TRHDE: variants seen among roughly 807,000 people sequenced by gnomAD.
TRHDE encodes the protein thyrotropin-releasing hormone-degrading ectoenzyme.
TRHDE carries 72 observed loss-of-function variants against 125.7 expected under a neutral mutation model. The ratio of observed to expected loss-of-function variants is 0.57; its 90% confidence interval spans 0.47 to 0.70. The LOEUF (loss-of-function observed/expected upper bound fraction) is 0.70. Ranked by LOEUF, TRHDE falls within the 30% of genes least tolerant of loss-of-function variation. TRHDE has a pLI of 0.00. For synonymous variants in TRHDE, 509 were observed against 509.1 expected, an observed-to-expected ratio of 1.00 and a Z score of 0.00; for missense variants, 1,110 against 1,327.1, an observed-to-expected ratio of 0.84 and a Z score of 2.54.
intron 12 of TRHDE, among the ~76,000 whole-genome samples, chr12:72,615,200 A>C (rs1342318067): frequency 6.6e-6 from 1 of 152,174 alleles, no homozygotes; most frequent in Non-Finnish European, 1.5e-5. Flanking sequence ...TATAACCTAC[A>C]ACCTCTTCCT....
chr12:72,156,177 C>T (rs1036353140), intron 2 of TRHDE, among the ~76,000 whole-genome samples: 8 of 152,164 alleles, frequency 5.3e-5, no homozygotes, highest in Non-Finnish European at 1.2e-4. Context: ...GCTCCATGGG[C>T]GTAGGACCCT....
chr12:72,305,893 C>T (rs1317675571), intron 2 of TRHDE, among the ~76,000 whole-genome samples: 1 of 152,180 alleles, frequency 6.6e-6, no homozygotes, highest in Non-Finnish European at 1.5e-5. Context: ...AGAAGACAAT[C>T]CTCGATTTCT....
intron 2 of TRHDE, among the ~76,000 whole-genome samples, chr12:72,213,498 C>T (rs975207370): frequency 8.5e-5 from 13 of 152,082 alleles, no homozygotes; most frequent in South Asian, 4.2e-4. Context: ...GACAGGGAAC[C>T]GAGCTTCAAA....
intron 2 of TRHDE, among the ~76,000 whole-genome samples, chr12:72,335,120 T>C (rs1344534603): frequency 6.6e-6 from 1 of 152,202 alleles, no homozygotes; most frequent in Admixed American, 6.5e-5. Context: ...GACTATGCCC[T>C]GCTTCTGACA....
rs747925554 is a variant in TRHDE at position 72,653,030 on chromosome 12, C to T, written c.2858C>T (p.Ser953Leu). The T allele has an allele frequency of 2.5e-6, 4 of 1,603,906 alleles. No homozygotes were observed. Among genetic ancestry groups the T allele is most frequent in the South Asian group, 2.2e-5 (2 of 89,494 alleles). Residue 953 changes from serine (S) to leucine (L), a missense_variant, in exon 17 of 19, where the codon TCA becomes TTA. Physicochemically the swap from Ser to Leu is moderately radical, Grantham distance 145. Transcript: ENST00000261180. ...TATCTTTGAAGGCTTCTAAATCTGTCACTGAATTCTGAGGTGGTGCTGGAT... is the reference window on the plus strand; with the variant it reads ...TATCTTTGAAGGCTTCTAAATCTGTTACTGAATTCTGAGGTGGTGCTGGAT... The part of the protein sequence containing the change: ...RNLLNRLLNL[S>L]LNSEVVLDQD...
At chr12:72,662,231 A>G (rs1439536296) in intron 18 of TRHDE, among the ~76,000 whole-genome samples, 3 of 152,096 alleles carry the variant, frequency 2.0e-5, no homozygotes, top group African/African-American at 7.2e-5. Flanking sequence ...ACATTTGTCT[A>G]TTAGCATCAC....
At chr12:72,227,932 C>T (rs1878167408) in intron 2 of TRHDE, among the ~76,000 whole-genome samples, 1 of 152,208 alleles carries the variant, frequency 6.6e-6, no homozygotes, top group African/African-American at 2.4e-5. Context: ...CAAGATGTGG[C>T]CTCCCATGGC....
chr12:72,272,843 CAGTGGG>C lies in TRHDE; in HGVS notation c.205_210del (p.Gly69_Val70del). 1 of 1,584,104 alleles carries C rather than the reference CAGTGGG, an allele frequency of 6.3e-7. No homozygotes were observed. Among genetic ancestry groups the C allele is most frequent in the Non-Finnish European group, 8.5e-7 (1 of 1,172,850 alleles). Reference sequence around the variant, plus strand: ...GGGCTCTCCGACCCGTGGGCAGACTCAGTGGGAGTGCGACCCCGCACCACGGAGCGC... The same window carrying C: ...GGGCTCTCCGACCCGTGGGCAGACTCAGTGCGACCCCGCACCACGGAGCGC... On this transcript the variant is annotated inframe_deletion, in exon 1 of 19. Coordinates refer to ENST00000261180, the MANE Select transcript of TRHDE (RefSeq NM_013381.3). The surrounding 1 kb of genome is among the most constrained non-coding windows in gnomAD (Gnocchi z 6.7).
intron 3 of TRHDE, among the ~76,000 whole-genome samples, chr12:72,440,481 G>A (rs73344432): frequency 0.014 from 2,182 of 151,308 alleles, 48 homozygotes; most frequent in African/African-American, 0.048. Context: ...ACTGTTTTTC[G>A]TTTTGTAGAG....
intron 2 of TRHDE, among the ~76,000 whole-genome samples, chr12:72,375,687 A>C (rs1169381923): frequency 6.6e-6 from 1 of 152,188 alleles, no homozygotes; most frequent in Non-Finnish European, 1.5e-5. Context: ...TTTACCATTC[A>C]TATGGCAGGT....
chr12:72,238,339 T>TA lies in TRHDE; in HGVS notation n.279+132587_279+132588insA, dbSNP rs1483769640. Among the ~76,000 whole-genome samples, 22 of 21,162 alleles carry TA rather than the reference T, an allele frequency of 1.0e-3. 2 individuals are homozygous for TA. The highest frequency in any genetic ancestry group is 1.6e-3 in the Non-Finnish European group (15 of 9,136). 13.9% of individuals were successfully genotyped at this position (21,162 alleles called of 152,430 possible). ...ATATATATACATATATATATACACATTATATATATATATATATATATATAC... is the reference window on the plus strand; with the variant it reads ...ATATATATACATATATATATACACATATATATATATATATATATATATATAC... On this transcript the variant is annotated intron_variant and non_coding_transcript_variant, in intron 2 of 4. Coordinates refer to the TRHDE transcript ENST00000548156.
At chr12:72,553,548 C>CA (rs1226261250) in intron 7 of TRHDE, among the ~76,000 whole-genome samples, 1 of 151,956 alleles carries the variant, frequency 6.6e-6, no homozygotes, top group Non-Finnish European at 1.5e-5. Flanking sequence ...CATGAACTGC[C>CA]CATCAGGGGT....
At position 72,602,203 on chromosome 12, in the gene TRHDE, C is replaced by A. The variant is rs554599733; in HGVS notation, c.2322-16688C>A. On this transcript the variant is annotated intron_variant, in intron 12 of 18. Coordinates refer to ENST00000261180, the MANE Select transcript of TRHDE (RefSeq NM_013381.3). The stretch of plus-strand genomic sequence containing the variant: ...TCCCAACATCAATGTCTAATAACAA[C>A]CCCAGCAAGGAAGGAAAAAGAAAAC... Among the ~76,000 whole-genome samples, 25 of 152,050 alleles carry A rather than the reference C, an allele frequency of 1.6e-4. No individual in the cohort carries two copies. The South Asian group carries it at 4.6e-3, about 28-fold the overall frequency.
intron 15 of TRHDE, among the ~76,000 whole-genome samples, chr12:72,651,529 T>C (rs1395065105): frequency 6.6e-6 from 1 of 151,852 alleles, no homozygotes; most frequent in Non-Finnish European, 1.5e-5. Flanking sequence ...ATTTTGAAAC[T>C]TTAAAAAAAA....
In TRHDE at chr12:72,272,549, C is replaced by T. The variant is rs1161613839; in HGVS notation, c.-95C>T. 6 of 581,158 alleles carry T rather than the reference C, an allele frequency of 1.0e-5. No individual in the cohort carries two copies. Among genetic ancestry groups the T allele is most frequent in the African/African-American group, 1.9e-5 (1 of 52,538 alleles). The allele number at this position is 581,158 out of a possible 1,614,324, so 36.0% of individuals were successfully genotyped here. A position where few individuals can be genotyped will look rare whatever the true frequency, so the allele number is the denominator to read the frequency against. On this transcript the variant is annotated 5_prime_UTR_variant, in exon 1 of 19. Transcript: ENST00000261180. This position sits in a 1 kb window ranked among gnomAD's most constrained non-coding sequence, Gnocchi z 6.7. Reference sequence around the variant, plus strand: ...CATCCCCAGTCGCGCGCCCTCGGCCCGCGTGAGCTCTCCGATGCCTGCTCT... The same window carrying T: ...CATCCCCAGTCGCGCGCCCTCGGCCTGCGTGAGCTCTCCGATGCCTGCTCT...
chr12:72,126,799 T>A (rs947566871), intron 2 of TRHDE, among the ~76,000 whole-genome samples: 4 of 152,114 alleles, frequency 2.6e-5, no homozygotes, highest in African/African-American at 9.6e-5. Context: ...GGAAAGAATT[T>A]ATGAGCAAGT....
chr12:72,340,218 T>C (rs756632449), intron 2 of TRHDE, among the ~76,000 whole-genome samples: 1 of 152,146 alleles, frequency 6.6e-6, no homozygotes, highest in African/African-American at 2.4e-5. Flanking sequence ...TGTTACTTGG[T>C]GTGTGTAGAA....
chr12:72,494,535 A>G (rs1404751073), intron 5 of TRHDE, among the ~76,000 whole-genome samples: 2 of 151,764 alleles, frequency 1.3e-5, no homozygotes, highest in African/African-American at 4.8e-5. Flanking sequence ...TCTGCCTTGT[A>G]TTGCTCTTCC....
intron 2 of TRHDE, among the ~76,000 whole-genome samples, chr12:72,293,516 G>C (rs564768160): frequency 2.6e-4 from 40 of 152,220 alleles, no homozygotes; most frequent in African/African-American, 9.6e-4. Context: ...CTGGGGACAG[G>C]CTTCCTCTCA....
Sources: gnomAD v4.1 joint callset for allele counts (sites outside exome capture counted in the v4.1 genomes callset) on GRCh38, gnomAD v4.1.1 for gene constraint, Gnocchi (gnomAD v3.1) non-coding constraint, MANE v1.5 for transcripts, NCBI Gene and HGNC (gene_info 2026-07-23, HGNC 2026-07-21) for gene names.